The following RASSF9 variants were observed in gnomAD, a reference collection of about 807,000 sequenced individuals.
The protein encoded by RASSF9 is Ras association domain family member 9, also known as ras association domain-containing protein 9.
In RASSF9, 18 loss-of-function variants were observed where a neutral mutation model predicts 21.4. The ratio of observed to expected loss-of-function variants is 0.84; its 90% CI spans 0.58 to 1.25. The LOEUF is 1.25. RASSF9 is among the 50% of genes most tolerant of loss of function. The pLI is 0.00. For missense variants in RASSF9, 480 were observed against 503.2 expected, an observed-to-expected ratio of 0.95 and a Z score of 0.44; for synonymous variants, 183 against 179.1, an observed-to-expected ratio of 1.02 and a Z score of -0.18.
intron 1 of RASSF9, among the ~76,000 whole-genome samples, chr12:85,834,557 A>G (rs1401526766): frequency 6.6e-6 from 1 of 152,134 alleles, no homozygotes; most frequent in Non-Finnish European, 1.5e-5. Flanking sequence ...ATTGCCCTGT[A>G]TTTGGCATAC....
intron 1 of RASSF9, among the ~76,000 whole-genome samples, chr12:85,820,998 G>T (rs1274504873): frequency 6.6e-6 from 1 of 152,050 alleles, no homozygotes; most frequent in Non-Finnish European, 1.5e-5. Flanking sequence ...ACAAAAATTA[G>T]TCAGGCGTAG....
chr12:85,826,079 C>T (rs1880326998), intron 1 of RASSF9, among the ~76,000 whole-genome samples: 1 of 152,164 alleles, frequency 6.6e-6, no homozygotes, highest in African/African-American at 2.4e-5. Context: ...AGGCTGCTTT[C>T]ACAGTCCCAT....
chr12:85,803,135 A>G lies in RASSF9; in HGVS notation c.*1567T>C, dbSNP rs1024983303. 2 of 152,054 alleles carry G rather than the reference A, an allele frequency of 1.3e-5. No homozygotes were observed. The highest frequency in any genetic ancestry group is 2.9e-5 in the Non-Finnish European group (2 of 68,022). The allele number at this position is 152,054 out of a possible 1,614,324, so 9.4% of individuals were successfully genotyped here. A position where few individuals can be genotyped will look rare whatever the true frequency, so the allele number is the denominator to read the frequency against. ...ATGTTAAGAAGATTTAAGGAGCAATATATTTTTTTAAATGAGTTAACAATA... is the reference window on the plus strand; with the variant it reads ...ATGTTAAGAAGATTTAAGGAGCAATGTATTTTTTTAAATGAGTTAACAATA... On this transcript the variant is annotated 3_prime_UTR_variant, in exon 2 of 2. Transcript: ENST00000361228.
intron 1 of RASSF9, 53 bp downstream of exon 1, chr12:85,836,102 G>GAC (rs144771248): frequency 0.03 from 45,210 of 1,489,408 alleles, 474 homozygotes; most frequent in Middle Eastern, 0.079. Context: ...ACACACACAA[G>GAC]ACACACACAC....
At chr12:85,824,935 A>T (rs1011460874) in intron 1 of RASSF9, among the ~76,000 whole-genome samples, 2 of 152,176 alleles carry the variant, frequency 1.3e-5, no homozygotes, top group African/African-American at 4.8e-5. Flanking sequence ...TGTTGCTTTC[A>T]GGAAAGTTCT....
intron 1 of RASSF9, among the ~76,000 whole-genome samples, chr12:85,818,956 C>CAAAAAAA (rs60760019): frequency 9.0e-5 from 6 of 66,606 alleles, no homozygotes; most frequent in Non-Finnish European, 1.7e-4. Flanking sequence ...GAGACTCCGT[C>CAAAAAAA]AAAAAAAAAA....
intron 1 of RASSF9, among the ~76,000 whole-genome samples, chr12:85,811,899 T>C (rs186327999): frequency 6.6e-6 from 1 of 151,926 alleles, no homozygotes; most frequent in Admixed American, 6.6e-5. Context: ...ATTTTGGTTC[T>C]GATTAAAACT....
chr12:85,807,685 A>G (rs1308336245), intron 1 of RASSF9, among the ~76,000 whole-genome samples: 1 of 152,078 alleles, frequency 6.6e-6, no homozygotes, highest in African/African-American at 2.4e-5. Flanking sequence ...ATACATGTAT[A>G]TATGGGCTTG....
chr12:85,811,332 G>A (rs2136552799), intron 1 of RASSF9, among the ~76,000 whole-genome samples: 1 of 151,918 alleles, frequency 6.6e-6, no homozygotes, highest in African/African-American at 2.4e-5. Context: ...TTGGTTCCAG[G>A]AGTGATCCTC....
rs1879735036 is a variant in RASSF9 at position 85,803,087 on chromosome 12, G to T, written c.*1615C>A. On this transcript the variant is annotated 3_prime_UTR_variant, in exon 2 of 2. Coordinates refer to ENST00000361228, the MANE Select transcript of RASSF9 (RefSeq NM_005447.4). ...ATGTCTTCCCAAAGATGAGTTAAAA[G>T]ACAGGAGAAGGCAGGAACAAATATG... The T allele has an allele frequency of 6.6e-6, 1 of 152,094 alleles. No homozygotes were observed. Among genetic ancestry groups the T allele is most frequent in the East Asian group, 1.9e-4 (1 of 5,198 alleles). The allele number at this position is 152,094 out of a possible 1,614,324, so 9.4% of individuals were successfully genotyped here. A position where few individuals can be genotyped will look rare whatever the true frequency, so the allele number is the denominator to read the frequency against.
intron 1 of RASSF9, among the ~76,000 whole-genome samples, chr12:85,808,147 T>C (rs1879875956): frequency 6.6e-6 from 1 of 151,558 alleles, no homozygotes; most frequent in African/African-American, 2.4e-5. Flanking sequence ...AATTCTATGT[T>C]GCTATCTTTA....
chr12:85,834,187 T>C (rs551468291), intron 1 of RASSF9, among the ~76,000 whole-genome samples: 1 of 152,138 alleles, frequency 6.6e-6, no homozygotes, highest in Admixed American at 6.5e-5. Context: ...TTTAAATCTT[T>C]CTTAAGGATT....
chr12:85,805,108 T>A lies in RASSF9; in HGVS notation c.902A>T (p.Asp301Val). The A allele has an allele frequency of 5.0e-6, 8 of 1,613,992 alleles. No homozygotes were observed. The highest frequency in any genetic ancestry group is 5.9e-6 in the Non-Finnish European group (7 of 1,179,896). ...VKSVCIDINE[D>V]AEGEAASELE... ...TTCACTTGCAGCTTCCCCTTCCGCA[T>A]CTTCATTTATATCAATGCAAACACT... is the stretch of plus-strand genomic sequence containing the variant. Residue 301 changes from aspartate (D) to valine (V), a missense_variant, in exon 2 of 2, where the codon GAT (aspartate) becomes GTT (valine). Physicochemically the swap from Asp to Val is radical, Grantham distance 152. Transcript: ENST00000361228.
chr12:85,836,278 G>C lies in RASSF9; in HGVS notation c.-77C>G. On this transcript the variant is annotated 5_prime_UTR_variant, in exon 1 of 2. Coordinates refer to ENST00000361228, the MANE Select transcript of RASSF9 (RefSeq NM_005447.4). ...GGGGTGGGGGTGTCTGGATTTCCAGGGTGAAGGGAGGAGGGCTGGAAGCTT... is the reference window on the plus strand; with the variant it reads ...GGGGTGGGGGTGTCTGGATTTCCAGCGTGAAGGGAGGAGGGCTGGAAGCTT... 6.5e-7 allele frequency: 1 copy of C among 1,533,760 alleles called. No individual in the cohort carries two copies. Among genetic ancestry groups the C allele is most frequent in the Non-Finnish European group, 8.8e-7 (1 of 1,133,774 alleles).
At chr12:85,820,405 C>T (rs1880181035) in intron 1 of RASSF9, among the ~76,000 whole-genome samples, 1 of 152,108 alleles carries the variant, frequency 6.6e-6, no homozygotes, top group African/African-American at 2.4e-5. Flanking sequence ...TTTAGGAATT[C>T]TGAGGGCATT....
chr12:85,813,650 C>CA (rs1361047254), intron 1 of RASSF9, among the ~76,000 whole-genome samples: 1 of 151,794 alleles, frequency 6.6e-6, no homozygotes, highest in African/African-American at 2.4e-5. Context: ...GAAAATCAAT[C>CA]AAAGAGCAAA....
chr12:85,836,126 C>T lies in RASSF9; in HGVS notation c.47+29G>A, dbSNP rs115894844. On this transcript the variant is annotated intron_variant, in intron 1 of 1. Coordinates refer to ENST00000361228, the MANE Select transcript of RASSF9 (RefSeq NM_005447.4). ...AGACACACACACACACAGAGACACA[C>T]ACACACTTACTCACACGCTTGACTT... is the stretch of plus-strand genomic sequence containing the variant. The T allele has an allele frequency of 8.3e-5, 129 of 1,551,402 alleles. 1 individual carries two copies. The African/African-American group carries it at 1.7e-3, about 20-fold the overall frequency.
Position 85,805,132 on chromosome 12 carries a change from C to CT in RASSF9, c.877dup (p.Ser293LysfsTer5). On this transcript the variant is annotated frameshift_variant, in exon 2 of 2. Transcript: ENST00000361228. LOFTEE classifies it high-confidence loss of function. ...ATCTTCATTTATATCAATGCAAACACTTTTTACCTCTTTTTCTATTTCAGC... is the reference window on the plus strand; with the variant it reads ...ATCTTCATTTATATCAATGCAAACACTTTTTTACCTCTTTTTCTATTTCAGC... 4 of 1,613,906 alleles carry CT rather than the reference C, an allele frequency of 2.5e-6. No homozygotes were observed. The highest frequency in any genetic ancestry group is 3.4e-6 in the Non-Finnish European group (4 of 1,179,878).
At position 85,836,260 on chromosome 12, in the gene RASSF9, G is replaced by A; in HGVS notation, c.-59C>T. The A allele has an allele frequency of 5.0e-6, 6 of 1,191,582 alleles. 1 individual carries two copies. The highest frequency in any genetic ancestry group is 7.3e-6 in the Non-Finnish European group (6 of 827,316). 73.8% of individuals were successfully genotyped at this position (1,191,582 alleles called of 1,614,324 possible). A position where few individuals can be genotyped will look rare whatever the true frequency, so the allele number is the denominator to read the frequency against. On this transcript the variant is annotated 5_prime_UTR_variant, in exon 1 of 2. Transcript: ENST00000361228. ...TAAAGTGATCTGAGGGTGGGGGTGG[G>A]GGTGTCTGGATTTCCAGGGTGAAGG...
Sources: gnomAD v4.1 joint callset for allele counts (sites outside exome capture counted in the v4.1 genomes callset) on GRCh38, gnomAD v4.1.1 for gene constraint, MANE v1.5 for transcripts, NCBI Gene and HGNC (gene_info 2026-07-23, HGNC 2026-07-21) for gene names.